Variants in SLC35F3 observed in about 807,000 individuals in gnomAD.
SLC35F3 encodes solute carrier family 35 member F3.
A neutral mutation model predicts 49.9 loss-of-function variants in SLC35F3; 25 were observed. The observed-to-expected ratio is 0.50, with a 90% confidence interval of 0.37 to 0.70. The LOEUF is 0.70. Among genes scored for constraint, SLC35F3 ranks in the 30% least tolerant of loss-of-function variants. The pLI is 0.00. For synonymous variants in SLC35F3, 275 were observed against 265.4 expected, an observed-to-expected ratio of 1.04 and a Z score of -0.35; for missense variants, 525 against 639.8, an observed-to-expected ratio of 0.82 and a Z score of 1.94.
Position 233,998,053 on chromosome 1 carries a change from G to A in SLC35F3, c.283+92295G>A, listed in dbSNP as rs555281683. On this transcript the variant is annotated intron_variant, in intron 2 of 7. Transcript: ENST00000366618. ...AGGAGTGAGCCACCGCGCCCAGCCC[G>A]TATTTTCTTCGAGTCTATTTTTAAT... Among the ~76,000 whole-genome samples, 39 of 152,086 alleles carry A rather than the reference G, an allele frequency of 2.6e-4. 1 individual carries two copies. Among genetic ancestry groups the A allele is most frequent in the South Asian group, 2.1e-3 (10 of 4,806 alleles).
At chr1:233,969,322 G>A (rs913977575) in intron 2 of SLC35F3, among the ~76,000 whole-genome samples, 2 of 152,246 alleles carry the variant, frequency 1.3e-5, no homozygotes, top group South Asian at 4.1e-4. Flanking sequence ...CGCGTGTGCG[G>A]TCATGATGGG....
At chr1:234,296,041 T>C (rs1668587760) in intron 3 of SLC35F3, among the ~76,000 whole-genome samples, 1 of 152,232 alleles carries the variant, frequency 6.6e-6, no homozygotes, top group South Asian at 2.1e-4. Flanking sequence ...TCATTGCTGA[T>C]GTGGAAGTTG....
intron 2 of SLC35F3, among the ~76,000 whole-genome samples, chr1:234,079,149 C>T (rs772446990): frequency 2.0e-5 from 3 of 152,164 alleles, no homozygotes; most frequent in Non-Finnish European, 4.4e-5. Flanking sequence ...AATAGAATGA[C>T]ATAGTTCAGA....
chr1:234,213,621 G>C (rs553440499), intron 2 of SLC35F3: 1 of 152,426 alleles, frequency 6.6e-6, no homozygotes, highest in South Asian at 2.1e-4. Flanking sequence ...AGTGCCAGCA[G>C]TGAAGCTGGT....
chr1:234,143,879 C>G (rs1465064194), intron 2 of SLC35F3, among the ~76,000 whole-genome samples: 1 of 152,100 alleles, frequency 6.6e-6, no homozygotes, highest in Admixed American at 6.6e-5. Context: ...AGGATAAATA[C>G]CCAGAAGTGG....
intron 2 of SLC35F3, among the ~76,000 whole-genome samples, chr1:234,137,395 A>G (rs1362811823): frequency 6.6e-6 from 1 of 152,250 alleles, no homozygotes; most frequent in Non-Finnish European, 1.5e-5. Flanking sequence ...AGAGATAAGC[A>G]TCAAAGAGCA....
intron 2 of SLC35F3, among the ~76,000 whole-genome samples, chr1:233,950,900 GT>G (rs1396376414): frequency 6.6e-6 from 1 of 151,822 alleles, no homozygotes; most frequent in East Asian, 1.9e-4. Context: ...TGACTTTAAG[GT>G]TTGACTGAAC....
intron 2 of SLC35F3, among the ~76,000 whole-genome samples, chr1:234,163,831 G>A (rs988028447): frequency 2.6e-5 from 4 of 152,052 alleles, no homozygotes; most frequent in Non-Finnish European, 5.9e-5. Context: ...CTCCTCCTAC[G>A]GGGTTTCCCC....
At chr1:234,219,803 T>C (rs994547676) in intron 2 of SLC35F3, among the ~76,000 whole-genome samples, 1 of 152,196 alleles carries the variant, frequency 6.6e-6, no homozygotes. Context: ...TAAACATTTA[T>C]TGGAACTGCT....
chr1:234,192,774 T>C (rs1360023377), intron 2 of SLC35F3, among the ~76,000 whole-genome samples: 5 of 152,166 alleles, frequency 3.3e-5, no homozygotes, highest in Non-Finnish European at 7.4e-5. Context: ...TGTACACAAA[T>C]CAGTAGCTGT....
At chr1:234,239,532 T>G (rs557709979) in intron 3 of SLC35F3, among the ~76,000 whole-genome samples, 16 of 152,234 alleles carry the variant, frequency 1.1e-4, no homozygotes, top group Admixed American at 8.5e-4. Context: ...ACTTTGAGGA[T>G]TCTCTGATCC....
chr1:233,924,990 C>T (rs1662132547), intron 2 of SLC35F3, among the ~76,000 whole-genome samples: 1 of 152,188 alleles, frequency 6.6e-6, no homozygotes, highest in African/African-American at 2.4e-5. Context: ...GCACTGTGGT[C>T]TGAGAGACAG....
At chr1:234,205,651 T>C (rs558519) in intron 2 of SLC35F3, among the ~76,000 whole-genome samples, 150,901 of 152,340 alleles carry the variant, frequency 0.99, 74,741 homozygotes, top group East Asian at 1. Context: ...AAAGAAACTC[T>C]GCCAAGAGTC....
intron 3 of SLC35F3, chr1:234,274,457 G>C (rs957983308): frequency 6.6e-6 from 1 of 152,188 alleles, no homozygotes; most frequent in Non-Finnish European, 1.5e-5. Context: ...CAGCTACATA[G>C]AGACATGCAC....
At chr1:234,035,138 A>G (rs1232112412) in intron 2 of SLC35F3, among the ~76,000 whole-genome samples, 1 of 152,114 alleles carries the variant, frequency 6.6e-6, no homozygotes, top group African/African-American at 2.4e-5. Context: ...TCTTTCTGGG[A>G]TTGTTCCCTT....
chr1:233,959,200 G>GCGTA (rs781363331), intron 2 of SLC35F3, among the ~76,000 whole-genome samples: 4 of 151,888 alleles, frequency 2.6e-5, no homozygotes, highest in South Asian at 4.1e-4. Flanking sequence ...GTATAAAGTA[G>GCGTA]CGTACAGTAG....
chr1:233,937,852 G>A (rs910264069), intron 2 of SLC35F3, among the ~76,000 whole-genome samples: 3 of 152,144 alleles, frequency 2.0e-5, no homozygotes, highest in Admixed American at 6.5e-5. Flanking sequence ...GACAGAGTTC[G>A]ATAGTGTTGG....
intron 3 of SLC35F3, among the ~76,000 whole-genome samples, chr1:234,241,079 A>G (rs575353977): frequency 6.6e-6 from 1 of 152,366 alleles, no homozygotes; most frequent in East Asian, 1.9e-4. Flanking sequence ...AGTGCCATAC[A>G]GAAGCTAAAG....
At chr1:234,184,495 G>A (rs1302802463) in intron 2 of SLC35F3, among the ~76,000 whole-genome samples, 3 of 152,210 alleles carry the variant, frequency 2.0e-5, no homozygotes, top group African/African-American at 7.2e-5. Context: ...TAATGGGCAG[G>A]AAATTTTCGA....
Sources: allele counts gnomAD v4.1 joint callset (sites outside exome capture counted in the v4.1 genomes callset), GRCh38; gene constraint gnomAD v4.1.1; transcripts MANE v1.5; gene names NCBI Gene and HGNC (gene_info 2026-07-23, HGNC 2026-07-21).